Variants in GINS3 observed in about 807,000 individuals in gnomAD.
GINS3 encodes GINS complex subunit 3, also known as DNA replication complex GINS protein PSF3.
Under a neutral mutation model 20.0 loss-of-function variants are expected in GINS3, and 18 were observed. The ratio of observed to expected loss-of-function variants is 0.90; its 90% confidence interval spans 0.62 to 1.33. GINS3 has a LOEUF of 1.33. GINS3 is among the 40% of genes most tolerant of loss of function. The probability of loss-of-function intolerance (pLI) is 0.00; values close to 1 mark genes in which losing one functional copy is unlikely to be tolerated. For synonymous variants in GINS3, 109 were observed against 107.0 expected (o/e 1.02, Z -0.12); for missense variants, 254 against 273.6 (o/e 0.93, Z 0.51).
intron 2 of GINS3, chr16:58,403,692 T>C (rs1965988179): frequency 1.2e-5 from 3 of 247,888 alleles, no homozygotes; most frequent in Admixed American, 5.1e-5. Context: ...GCCCAGGAGT[T>C]CAAGACCAAC....
rs1555520147 is a variant in GINS3, at chr16:58,405,646, C to CA, written c.*917_*918insA. On this transcript the variant is annotated 3_prime_UTR_variant, in exon 3 of 3. Transcript: ENST00000318129. The stretch of plus-strand genomic sequence containing the variant: ...AAATGGGCAAGAAGCCTCCGTTGTG[C>CA]TTTTTTTTTCCTCTTCAGTAACTTT... 14 of 151,726 alleles carry CA rather than the reference C, an allele frequency of 9.2e-5. No individual in the cohort carries two copies. The highest frequency in any genetic ancestry group is 1.5e-5 in the Non-Finnish European group (1 of 67,864). The allele number at this position is 151,726 out of a possible 1,614,324, so 9.4% of individuals were successfully genotyped here.
At chr16:58,395,185 C>A (rs567090642) in intron 1 of GINS3, 1 of 422,858 alleles carries the variant, frequency 2.4e-6, no homozygotes, top group African/African-American at 2.1e-5. Context: ...CAGAGATCCT[C>A]CCACCTCAGC....
chr16:58,396,704 G>A (rs1202172774), intron 1 of GINS3, among the ~76,000 whole-genome samples: 7 of 128,578 alleles, frequency 5.4e-5, no homozygotes, highest in African/African-American at 9.5e-5. Context: ...GCGGCTGGCC[G>A]GGCGGGGGGC....
At chr16:58,404,269 T>G (rs1965997119) in intron 2 of GINS3, 1 of 544,472 alleles carries the variant, frequency 1.8e-6, no homozygotes. Flanking sequence ...ATTCATTGGT[T>G]TTCTTAACAA....
intron 1 of GINS3, among the ~76,000 whole-genome samples, chr16:58,397,699 C>T (rs537008126): frequency 4.6e-5 from 7 of 152,222 alleles, no homozygotes; most frequent in Non-Finnish European, 1.0e-4. Context: ...CACAGGCACT[C>T]GGCAGGCTGA....
chr16:58,404,357 G>A, intron 2 of GINS3, 142 bp from the exon 3 acceptor site: 1 of 629,108 alleles, frequency 1.6e-6, no homozygotes, highest in South Asian at 2.0e-5. Flanking sequence ...TTACTTGGGT[G>A]CTAGAGGGAA....
At chr16:58,393,045 C>G (rs998840840) in intron 1 of GINS3, among the ~76,000 whole-genome samples, 5 of 152,192 alleles carry the variant, frequency 3.3e-5, no homozygotes, top group African/African-American at 1.2e-4. Flanking sequence ...ACATTGATTT[C>G]TTTTTTGAAA....
At position 58,405,244 on chromosome 16, in the gene GINS3, A is replaced by G. The variant is rs992821187; in HGVS notation, c.*515A>G. 1 of 154,016 alleles carries G rather than the reference A, an allele frequency of 6.5e-6. No homozygotes were observed. The highest frequency in any genetic ancestry group is 1.4e-5 in the Non-Finnish European group (1 of 69,266). 9.5% of individuals were successfully genotyped at this position (154,016 alleles called of 1,614,324 possible). On this transcript the variant is annotated 3_prime_UTR_variant, in exon 3 of 3. Coordinates refer to ENST00000318129, the MANE Select transcript of GINS3 (RefSeq NM_022770.4). Reference sequence around the variant, plus strand: ...GAGATATCTCCTGCTGCCTGCCTGCAGGGAGTTACCCCAGTTTCCAAAAAC... The same window carrying G: ...GAGATATCTCCTGCTGCCTGCCTGCGGGGAGTTACCCCAGTTTCCAAAAAC...
chr16:58,394,009 G>C (rs1250740202), intron 1 of GINS3, among the ~76,000 whole-genome samples: 2 of 151,856 alleles, frequency 1.3e-5, no homozygotes, highest in Non-Finnish European at 2.9e-5. Context: ...TACCTTGTTG[G>C]GTTGTTTTTT....
Position 58,404,344 on chromosome 16 carries a change from A to T in GINS3, c.421-155A>T. 3 of 618,102 alleles carry T rather than the reference A, an allele frequency of 4.9e-6. No individual in the cohort carries two copies. In the South Asian group the frequency reaches 6.1e-5, roughly 12 times the overall value. 38.3% of individuals were successfully genotyped at this position (618,102 alleles called of 1,614,324 possible). A position where few individuals can be genotyped will look rare whatever the true frequency, so the allele number is the denominator to read the frequency against. On this transcript the variant is annotated intron_variant, in intron 2 of 2. Transcript: ENST00000318129. ...AAATTGAGGCATGGCAATGTGCAAT[A>T]ACTTACTTGGGTGCTAGAGGGAATT...
At chr16:58,400,866 G>GT (rs1965944625) in intron 1 of GINS3, among the ~76,000 whole-genome samples, 1 of 149,964 alleles carries the variant, frequency 6.7e-6, no homozygotes, top group South Asian at 2.1e-4. Flanking sequence ...CCAGGCTGGA[G>GT]TACAATGGTG....
chr16:58,402,965 T>C, intron 1 of GINS3, 133 bp from the exon 2 acceptor site: 1 of 666,072 alleles, frequency 1.5e-6, no homozygotes, highest in Non-Finnish European at 2.6e-6. Context: ...CACGACCAGG[T>C]CTTCTGTGCT....
chr16:58,397,294 C>G (rs534777858), intron 1 of GINS3, among the ~76,000 whole-genome samples: 2 of 150,422 alleles, frequency 1.3e-5, no homozygotes, highest in Non-Finnish European at 3.0e-5. Context: ...GATGGGCGGC[C>G]GGGCAGAGAC....
intron 1 of GINS3, among the ~76,000 whole-genome samples, chr16:58,397,284 G>A (rs1452411538): frequency 1.3e-5 from 2 of 150,906 alleles, no homozygotes; most frequent in East Asian, 3.9e-4. Flanking sequence ...CATCTCAGAC[G>A]ATGGGCGGCC....
chr16:58,392,595 G>GAGA lies in GINS3; in HGVS notation c.-7_-6insAGA, dbSNP rs1567533940. ...CGAGTGGAAGCGGAGAAGCTCAAGT[G>GAGA]GCCGCCATGTCAGAGGCTTATTTCC... On this transcript the variant is annotated 5_prime_UTR_variant, in exon 1 of 3. Transcript: ENST00000318129. 6.2e-7 allele frequency: 1 copy of GAGA among 1,613,428 alleles called. No homozygotes were observed. Among genetic ancestry groups the GAGA allele is most frequent in the Non-Finnish European group, 8.5e-7 (1 of 1,179,488 alleles).
chr16:58,395,294 T>C, intron 1 of GINS3: 2 of 305,320 alleles, frequency 6.6e-6, no homozygotes, highest in Non-Finnish European at 1.2e-5. Context: ...TTTCTATTTG[T>C]ACATTTGAAA....
chr16:58,403,434 G>C, intron 2 of GINS3, 103 bp downstream of exon 2: 1 of 867,148 alleles, frequency 1.2e-6, no homozygotes, highest in Non-Finnish European at 1.8e-6. Flanking sequence ...AATTTAGTCT[G>C]TTTTTATTCC....
At chr16:58,399,733 A>T (rs1490444854) in intron 1 of GINS3, among the ~76,000 whole-genome samples, 1 of 151,828 alleles carries the variant, frequency 6.6e-6, no homozygotes, top group Non-Finnish European at 1.5e-5. Context: ...TTATTTTATT[A>T]TTCATTTACC....
rs1189917361 is a variant in GINS3, at chr16:58,396,542, CG to C, written c.186+3759del. On this transcript the variant is annotated intron_variant, in intron 1 of 2. Transcript: ENST00000318129. ...CTGACCCCCCCACCTCCCTCCCGGA[CG>C]GGGCGGCTGGTCGGGCGGGGGCTGA... is the stretch of plus-strand genomic sequence containing the variant. Among the ~76,000 whole-genome samples the C allele has an allele frequency of 1.4e-3, 27 of 19,958 alleles. 5 individuals carry two copies. The highest frequency in any genetic ancestry group is 2.1e-3 in the Admixed American group (7 of 3,316). The allele number at this position is 19,958 out of a possible 152,430, so 13.1% of individuals were successfully genotyped here. A position where few individuals can be genotyped will look rare whatever the true frequency, so the allele number is the denominator to read the frequency against.
Sources: gnomAD v4.1 joint callset for allele counts (sites outside exome capture counted in the v4.1 genomes callset) on GRCh38, gnomAD v4.1.1 for gene constraint, MANE v1.5 for transcripts, NCBI Gene and HGNC (gene_info 2026-07-23, HGNC 2026-07-21) for gene names.